Variants in MED30 observed in about 807,000 individuals in gnomAD.
MED30 encodes the protein mediator complex subunit 30.
Under a neutral mutation model 21.7 loss-of-function variants are expected in MED30, and 8 were observed. The observed-to-expected ratio is 0.37, with a 90% confidence interval of 0.22 to 0.67. MED30 has a LOEUF of 0.67. MED30 is among the 30% of genes least tolerant of loss of function. MED30 has a pLI of 0.58. For synonymous variants in MED30, 79 were observed against 86.7 expected (o/e 0.91, Z 0.49); for missense variants, 203 against 228.2 (o/e 0.89, Z 0.71).
intron 2 of MED30, 48 bp downstream of exon 2, chr8:117,528,857 G>T (rs767911226): frequency 1.5e-6 from 2 of 1,363,686 alleles, no homozygotes; most frequent in East Asian, 5.1e-5. Flanking sequence ...GTGAACTAGT[G>T]TCAAGACAGT....
At chr8:117,533,930 C>A (rs1464045010) in intron 3 of MED30, among the ~76,000 whole-genome samples, 2 of 152,178 alleles carry the variant, frequency 1.3e-5, no homozygotes, top group South Asian at 4.1e-4. Flanking sequence ...AATGCAGACA[C>A]TTAAATTTTG....
intron 3 of MED30, among the ~76,000 whole-genome samples, chr8:117,536,930 A>G (rs1298393894): frequency 6.6e-6 from 1 of 152,222 alleles, no homozygotes; most frequent in Non-Finnish European, 1.5e-5. Context: ...AAAAATCACG[A>G]AAAACATCTC....
At chr8:117,523,561 A>G (rs1818667597) in intron 1 of MED30, 6 of 1,601,450 alleles carry the variant, frequency 3.7e-6, no homozygotes, top group Non-Finnish European at 4.3e-6. Context: ...GTACCAGTAG[A>G]AATGTCTCCA....
rs17814946 is a variant in MED30 at position 117,529,627 on chromosome 8, A to C, written c.336+818A>C. Among the ~76,000 whole-genome samples, 1,153 of 152,094 alleles carry C rather than the reference A, an allele frequency of 7.6e-3. 19 individuals carry two copies. The highest frequency in any genetic ancestry group is 0.042 in the Admixed American group (644 of 15,270). ...CAGGAAATAAGAAGCTGGAGCCGGCAAGTGGATATCAGTCTTTCAAGAAGC... is the reference window on the plus strand; with the variant it reads ...CAGGAAATAAGAAGCTGGAGCCGGCCAGTGGATATCAGTCTTTCAAGAAGC... On this transcript the variant is annotated intron_variant, in intron 2 of 3. Coordinates refer to ENST00000297347, the MANE Select transcript of MED30 (RefSeq NM_080651.4).
At chr8:117,523,732 G>C in intron 1 of MED30, 1 of 1,402,738 alleles carries the variant, frequency 7.1e-7, no homozygotes, top group Admixed American at 1.8e-5. Context: ...TCATAGGCTA[G>C]GCGCGGTGGC....
rs534665079 is a variant in MED30 at position 117,528,924 on chromosome 8, A to G, written c.336+115A>G. On this transcript the variant is annotated intron_variant, in intron 2 of 3. Transcript: ENST00000297347. ...GCAATATTTCCAGGTTTCGAATTTT[A>G]TTGGTTTTACTTTTGACCAGAGAAG... The G allele has an allele frequency of 2.6e-5, 22 of 849,220 alleles. No homozygotes were observed. The Admixed American group carries it at 5.0e-4, about 19-fold the overall frequency. The allele number at this position is 849,220 out of a possible 1,614,324, so 52.6% of individuals were successfully genotyped here. A position where few individuals can be genotyped will look rare whatever the true frequency, so the allele number is the denominator to read the frequency against.
At chr8:117,529,918 G>C (rs576177620) in intron 2 of MED30, among the ~76,000 whole-genome samples, 1 of 152,032 alleles carries the variant, frequency 6.6e-6, no homozygotes, top group Non-Finnish European at 1.5e-5. Flanking sequence ...AAGAAAAGGA[G>C]AATGTAGACA....
chr8:117,539,467 GA>G (rs560661159), intron 3 of MED30, among the ~76,000 whole-genome samples: 5,389 of 144,232 alleles, frequency 0.037, 274 homozygotes, highest in African/African-American at 0.12. Flanking sequence ...TGCAGCCTGG[GA>G]AAAAAAAAAA....
Position 117,529,009 on chromosome 8 carries a change from T to A in MED30, c.336+200T>A, listed in dbSNP as rs1818760443. ...ATATTTTTACATTAACAATTTCTTGTAGACTTTGACAGGCTTATAGTAATT... is the reference window on the plus strand; with the variant it reads ...ATATTTTTACATTAACAATTTCTTGAAGACTTTGACAGGCTTATAGTAATT... On this transcript the variant is annotated intron_variant, in intron 2 of 3. Transcript: ENST00000297347. 11 of 350,680 alleles carry A rather than the reference T, an allele frequency of 3.1e-5. No individual in the cohort carries two copies. The East Asian group carries it at 5.0e-4, about 16-fold the overall frequency. 21.7% of individuals were successfully genotyped at this position (350,680 alleles called of 1,614,324 possible).
intron 1 of MED30, among the ~76,000 whole-genome samples, chr8:117,521,354 T>C (rs995463013): frequency 9.2e-5 from 14 of 152,314 alleles, no homozygotes; most frequent in African/African-American, 3.4e-4. Context: ...CACTTCCCTC[T>C]TTAGGTTGCT....
chr8:117,523,577 AC>A (rs1182840335), intron 1 of MED30: 2 of 1,601,872 alleles, frequency 1.2e-6, no homozygotes, highest in African/African-American at 2.7e-5. Context: ...CTCCAGGCAA[AC>A]TGTTCCTTCA....
At chr8:117,528,849 G>T in intron 2 of MED30, 40 bp downstream of exon 2, 2 of 1,459,410 alleles carry the variant, frequency 1.4e-6, no homozygotes, top group South Asian at 2.8e-5. Flanking sequence ...TATAAGGTGT[G>T]AACTAGTGTC....
intron 2 of MED30, among the ~76,000 whole-genome samples, chr8:117,529,561 A>G (rs1818766013): frequency 6.6e-6 from 1 of 152,000 alleles, no homozygotes; most frequent in Non-Finnish European, 1.5e-5. Context: ...CAGTGAAATG[A>G]TAGCAGCGTG....
At position 117,520,777 on chromosome 8, in the gene MED30, C is replaced by T. The variant is rs1430789926; in HGVS notation, c.-100C>T. 1.0e-5 allele frequency: 13 copies of T among 1,269,902 alleles called. No individual in the cohort carries two copies. Among genetic ancestry groups the T allele is most frequent in the Non-Finnish European group, 1.4e-5 (13 of 950,248 alleles). 78.7% of individuals were successfully genotyped at this position (1,269,902 alleles called of 1,614,324 possible). On this transcript the variant is annotated 5_prime_UTR_variant, in exon 1 of 4. Coordinates refer to ENST00000297347, the MANE Select transcript of MED30 (RefSeq NM_080651.4). ...TGAAATCGGGCCGCGGGGGGTCTCT[C>T]AAGCTGGTTCCAACGCTGAGGCCCC...
chr8:117,523,410 G>A, intron 1 of MED30: 5 of 1,559,550 alleles, frequency 3.2e-6, no homozygotes, highest in Non-Finnish European at 3.5e-6. Context: ...CCCCTCTTGT[G>A]AGTCTTGCAG....
intron 3 of MED30, among the ~76,000 whole-genome samples, chr8:117,531,974 A>G (rs988394342): frequency 2.0e-5 from 3 of 152,030 alleles, no homozygotes; most frequent in African/African-American, 7.2e-5. Context: ...CAAGACTGAT[A>G]CCATGCTCTT....
intron 3 of MED30, among the ~76,000 whole-genome samples, chr8:117,536,635 G>T (rs1818882951): frequency 6.6e-6 from 1 of 152,234 alleles, no homozygotes; most frequent in Non-Finnish European, 1.5e-5. Flanking sequence ...TGAGGCACAT[G>T]ATTTGTAGTC....
intron 3 of MED30, among the ~76,000 whole-genome samples, chr8:117,536,745 A>G (rs1410967516): frequency 1.3e-5 from 2 of 152,182 alleles, no homozygotes; most frequent in African/African-American, 4.8e-5. Context: ...TATATCCTGG[A>G]ATCCTTAAGC....
At position 117,540,150 on chromosome 8, in the gene MED30, T is replaced by G. The variant is rs1818954875; in HGVS notation, c.*172T>G. 1 of 413,264 alleles carries G rather than the reference T, an allele frequency of 2.4e-6. No individual in the cohort carries two copies. The highest frequency in any genetic ancestry group is 2.1e-5 in the African/African-American group (1 of 47,458). 25.6% of individuals were successfully genotyped at this position (413,264 alleles called of 1,614,324 possible). A position where few individuals can be genotyped will look rare whatever the true frequency, so the allele number is the denominator to read the frequency against. On this transcript the variant is annotated 3_prime_UTR_variant, in exon 4 of 4. Coordinates refer to ENST00000297347, the MANE Select transcript of MED30 (RefSeq NM_080651.4). The stretch of plus-strand genomic sequence containing the variant: ...AAAATATTAACTTTTTTTAATGCTA[T>G]TTTATGAAAGATTATTGTAATAAAC...
Sources: gnomAD v4.1 joint callset for allele counts (sites outside exome capture counted in the v4.1 genomes callset) on GRCh38, gnomAD v4.1.1 for gene constraint, MANE v1.5 for transcripts, NCBI Gene and HGNC (gene_info 2026-07-23, HGNC 2026-07-21) for gene names.